CAMTA1: variants seen among roughly 807,000 people sequenced by gnomAD.
CAMTA1 encodes the protein calmodulin-binding transcription activator 1.
Under a neutral mutation model 170.9 loss-of-function variants are expected in CAMTA1, and 27 were observed. That is an observed-to-expected ratio of 0.16 (90% confidence interval 0.12 to 0.22). The LOEUF (loss-of-function observed/expected upper bound fraction) is 0.22, where lower values mean the gene tolerates loss of function less well. Ranked by LOEUF, CAMTA1 falls within the 10% of genes least tolerant of loss-of-function variation. The pLI, the probability that CAMTA1 is intolerant of heterozygous loss-of-function variation, is 1.00. For missense variants in CAMTA1, 1,619 were observed against 2,217.2 expected (o/e 0.73, Z 5.42); for synonymous variants, 833 against 891.5 (o/e 0.93, Z 1.17).
intron 6 of CAMTA1, among the ~76,000 whole-genome samples, chr1:7,536,648 G>A (rs747406698): frequency 6.6e-6 from 1 of 152,186 alleles, no homozygotes; most frequent in Non-Finnish European, 1.5e-5. Flanking sequence ...CCGGCCCCTG[G>A]GTCCAGCGAG....
Position 7,748,623 on chromosome 1 carries a change from G to A in CAMTA1, c.4689+842G>A, listed in dbSNP as rs145072269. On this transcript the variant is annotated intron_variant, in intron 19 of 22. Transcript: ENST00000303635. This position sits in a 1 kb window ranked among gnomAD's most constrained non-coding sequence, Gnocchi z 4.7. ...GATACCGTGATTGGAGAAAGTAAAT[G>A]CTGGCTATTTATTACCTTTGAGTTT... Among the ~76,000 whole-genome samples the A allele has an allele frequency of 5.8e-4, 88 of 152,278 alleles. No homozygotes were observed. The highest frequency in any genetic ancestry group is 3.4e-3 in the Middle Eastern group (1 of 294).
In CAMTA1 at chr1:7,736,303, C is replaced by T. The variant is rs757613936; in HGVS notation, c.3067-41C>T. ...ATCGAAGCGCTGATGGGGTCGAGGGCCTTTAGTCCTGAGGTCGTAACGTGC... is the reference window on the plus strand; with the variant it reads ...ATCGAAGCGCTGATGGGGTCGAGGGTCTTTAGTCCTGAGGTCGTAACGTGC... On this transcript the variant is annotated intron_variant, in intron 12 of 22. Transcript: ENST00000303635. The surrounding 1 kb of genome is among the most constrained non-coding windows in gnomAD (Gnocchi z 4.5). The T allele has an allele frequency of 3.1e-5, 48 of 1,570,252 alleles. 1 individual carries two copies. The South Asian group carries it at 5.4e-4, about 18-fold the overall frequency.
intron 3 of CAMTA1, among the ~76,000 whole-genome samples, chr1:6,901,724 C>T (rs1249714857): frequency 6.6e-6 from 1 of 152,078 alleles, no homozygotes; most frequent in African/African-American, 2.4e-5. Context: ...CCTGGTAATA[C>T]CAAGTGCTGG....
At chr1:7,420,209 G>T (rs1159178498) in intron 5 of CAMTA1, among the ~76,000 whole-genome samples, 2 of 152,054 alleles carry the variant, frequency 1.3e-5, no homozygotes, top group Non-Finnish European at 1.5e-5. Flanking sequence ...TGGAGCACCT[G>T]CCCGGTCCTG....
Position 7,634,190 on chromosome 1 carries a change from C to A in CAMTA1, c.511-6210C>A, listed in dbSNP as rs928561739. Reference sequence around the variant, plus strand: ...CACCCGGGAGGAGGGCACACTCCCACGTGCGCAGGAGAGCAGGTGGAGGAT... The same window carrying A: ...CACCCGGGAGGAGGGCACACTCCCAAGTGCGCAGGAGAGCAGGTGGAGGAT... On this transcript the variant is annotated intron_variant, in intron 6 of 22. Coordinates refer to ENST00000303635, the MANE Select transcript of CAMTA1 (RefSeq NM_015215.4). This position sits in a 1 kb window ranked among gnomAD's most constrained non-coding sequence, Gnocchi z 6.2. Among the ~76,000 whole-genome samples, 1 of 152,118 alleles carries A rather than the reference C, an allele frequency of 6.6e-6. No individual in the cohort carries two copies. Among genetic ancestry groups the A allele is most frequent in the Non-Finnish European group, 1.5e-5 (1 of 68,024 alleles).
In CAMTA1 at chr1:7,685,418, C is replaced by T. The variant is rs80049809; in HGVS notation, c.2914+7685C>T. On this transcript the variant is annotated intron_variant, in intron 11 of 22. Coordinates refer to ENST00000303635, the MANE Select transcript of CAMTA1 (RefSeq NM_015215.4). This position sits in a 1 kb window ranked among gnomAD's most constrained non-coding sequence, Gnocchi z 5.7. ...ACACACTGACCAGCTTGGCTCCTGC[C>T]GAGACCACAGCACATCCCTGTGGAC... 8.2e-3 allele frequency among the ~76,000 whole-genome samples: 1,245 copies of T among 152,292 alleles called. 8 individuals carry two copies. The highest frequency in any genetic ancestry group is 0.014 in the Non-Finnish European group (923 of 68,012).
chr1:7,404,967 T>C (rs76045224), intron 5 of CAMTA1, among the ~76,000 whole-genome samples: 4,076 of 152,294 alleles, frequency 0.027, 166 homozygotes, highest in African/African-American at 0.092. Flanking sequence ...TTTTTTTTAG[T>C]ATAACAATGA....
At chr1:7,446,629 G>T (rs1402233123) in intron 5 of CAMTA1, among the ~76,000 whole-genome samples, 1 of 152,194 alleles carries the variant, frequency 6.6e-6, no homozygotes, top group Non-Finnish European at 1.5e-5. Flanking sequence ...GCTGGGAGCC[G>T]AACCCATGTT....
At chr1:7,264,058 T>C (rs927489030) in intron 5 of CAMTA1, among the ~76,000 whole-genome samples, 1 of 152,188 alleles carries the variant, frequency 6.6e-6, no homozygotes, top group African/African-American at 2.4e-5. Flanking sequence ...CTCAGTGTCT[T>C]TCCTGTGCAC....
intron 3 of CAMTA1, among the ~76,000 whole-genome samples, chr1:7,025,371 C>T (rs1701885642): frequency 6.6e-6 from 1 of 152,206 alleles, no homozygotes. Context: ...TCAGGGCGCA[C>T]AGGCAAATGG....
chr1:7,277,724 T>C (rs1435799919), intron 5 of CAMTA1, among the ~76,000 whole-genome samples: 2 of 152,060 alleles, frequency 1.3e-5, no homozygotes, highest in Non-Finnish European at 2.9e-5. Flanking sequence ...TATAATGGCC[T>C]ATGATGTCCA....
chr1:7,571,192 C>T (rs1241872379), intron 6 of CAMTA1, among the ~76,000 whole-genome samples: 3 of 152,220 alleles, frequency 2.0e-5, no homozygotes, highest in African/African-American at 4.8e-5. Context: ...TCCCAGTAGA[C>T]TTAGTGTCTG....
At chr1:7,232,143 G>A (rs1290030659) in intron 4 of CAMTA1, among the ~76,000 whole-genome samples, 1 of 152,218 alleles carries the variant, frequency 6.6e-6, no homozygotes, top group Admixed American at 6.5e-5. Flanking sequence ...CCTGATCCAG[G>A]ACCCTCCAGC....
At position 7,276,291 on chromosome 1, in the gene CAMTA1, A is replaced by ATTT. The variant is rs1257658481; in HGVS notation, c.438+26666_438+26667insTTT. The stretch of plus-strand genomic sequence containing the variant: ...CCTACACCTGATCATATATATATAT[A>ATTT]TATATATATATATTTTTTTTTTTTT... On this transcript the variant is annotated intron_variant, in intron 5 of 22. Coordinates refer to ENST00000303635, the MANE Select transcript of CAMTA1 (RefSeq NM_015215.4). 2.9e-3 allele frequency among the ~76,000 whole-genome samples: 148 copies of ATTT among 51,268 alleles called. 1 individual carries two copies. Among genetic ancestry groups the ATTT allele is most frequent in the Non-Finnish European group, 3.6e-3 (120 of 33,100 alleles). 33.6% of individuals were successfully genotyped at this position (51,268 alleles called of 152,430 possible).
chr1:6,916,658 A>G (rs544768052), intron 3 of CAMTA1, among the ~76,000 whole-genome samples: 16 of 152,118 alleles, frequency 1.1e-4, no homozygotes, highest in Non-Finnish European at 1.6e-4. Context: ...TCTGTGTGAG[A>G]CCCATGGTGG....
intron 5 of CAMTA1, among the ~76,000 whole-genome samples, chr1:7,431,578 GC>G (rs2092156443): frequency 6.6e-6 from 1 of 152,192 alleles, no homozygotes; most frequent in Non-Finnish European, 1.5e-5. Flanking sequence ...ATTCCCAACT[GC>G]CCTCCCGAAT....
intron 5 of CAMTA1, among the ~76,000 whole-genome samples, chr1:7,402,609 G>A (rs1029343873): frequency 1.3e-5 from 2 of 152,174 alleles, no homozygotes; most frequent in African/African-American, 2.4e-5. Flanking sequence ...GCTATGCTCA[G>A]GGTCTGCAGC....
Position 7,268,727 on chromosome 1 carries a change from A to G in CAMTA1, c.438+19101A>G, listed in dbSNP as rs1669276481. On this transcript the variant is annotated intron_variant, in intron 5 of 22. Transcript: ENST00000303635. ...TTTAAAGTAAGACAACGAAATCCAC[A>G]CTCAACAGTATATCATTCACAATGC... is the stretch of plus-strand genomic sequence containing the variant. Among the ~76,000 whole-genome samples, 3 of 152,316 alleles carry G rather than the reference A, an allele frequency of 2.0e-5. 1 individual carries two copies. The South Asian group carries it at 6.2e-4, about 32-fold the overall frequency.
At chr1:7,752,896 G>A (rs1558305102) in intron 21 of CAMTA1, among the ~76,000 whole-genome samples, 1 of 152,206 alleles carries the variant, frequency 6.6e-6, no homozygotes, top group Non-Finnish European at 1.5e-5. Flanking sequence ...TACTATGCTA[G>A]CGCGTGTCCA....
Sources: allele counts gnomAD v4.1 joint callset (sites outside exome capture counted in the v4.1 genomes callset), GRCh38; gene constraint gnomAD v4.1.1; non-coding constraint Gnocchi (gnomAD v3.1); transcripts MANE v1.5; gene names NCBI Gene and HGNC (gene_info 2026-07-23, HGNC 2026-07-21).